The following ATP10B variants were observed in gnomAD, a reference collection of about 807,000 sequenced individuals.
ATP10B encodes phospholipid-transporting ATPase VB.
ATP10B carries 122 observed loss-of-function variants against 141.2 expected under a neutral mutation model. The observed-to-expected ratio is 0.86, with a 90% CI of 0.75 to 1.00. ATP10B has a LOEUF of 1.00. Ranked by LOEUF, ATP10B falls within the 50% of genes least tolerant of loss-of-function variation. The pLI, the probability that ATP10B is intolerant of heterozygous loss-of-function variation, is 0.00. For synonymous variants in ATP10B, 685 were observed against 692.0 expected (o/e 0.99, Z 0.16); for missense variants, 1,876 against 1,825.3 (o/e 1.03, Z -0.51).
At chr5:160,774,808 C>A (rs1349868136) in intron 2 of ATP10B, among the ~76,000 whole-genome samples, 2 of 152,170 alleles carry the variant, frequency 1.3e-5, no homozygotes, top group African/African-American at 4.8e-5. Context: ...AGGGCAAGGC[C>A]TCTTTGTTTT....
intron 24 of ATP10B, among the ~76,000 whole-genome samples, chr5:160,586,811 G>C (rs1439591818): frequency 6.6e-6 from 1 of 151,976 alleles, no homozygotes; most frequent in East Asian, 1.9e-4. Context: ...CCCACTTTTT[G>C]ATGGTGTTTT....
chr5:160,617,244 C>T (rs1310348561), intron 16 of ATP10B, among the ~76,000 whole-genome samples: 2 of 152,346 alleles, frequency 1.3e-5, no homozygotes, highest in East Asian at 3.9e-4. Flanking sequence ...CCCTCACTGC[C>T]TGCCTGCCTT....
intron 17 of ATP10B, chr5:160,613,979 A>G (rs1209841951): frequency 1.3e-5 from 2 of 151,956 alleles, no homozygotes; most frequent in Non-Finnish European, 2.9e-5. Flanking sequence ...TGCATATTGA[A>G]AAGATTATTT....
At chr5:160,790,528 A>T (rs1771492754) in intron 1 of ATP10B, among the ~76,000 whole-genome samples, 1 of 152,174 alleles carries the variant, frequency 6.6e-6, no homozygotes, top group Non-Finnish European at 1.5e-5. Context: ...TATATGAGGT[A>T]TCGCTCAAAG....
chr5:160,876,715 C>A, the ATP10B span, among the ~76,000 whole-genome samples: 1 of 151,890 alleles, frequency 6.6e-6, no homozygotes, highest in African/African-American at 2.4e-5. Flanking sequence ...CACCACCAAT[C>A]CCACAGAAAT....
chr5:160,870,595 A>C, the ATP10B span, among the ~76,000 whole-genome samples: 2 of 152,296 alleles, frequency 1.3e-5, no homozygotes, highest in Non-Finnish European at 1.5e-5. Flanking sequence ...AAAAAGACGT[A>C]ACATACAAAT....
At chr5:160,840,498 A>G (rs1265230088) in intron 1 of ATP10B, among the ~76,000 whole-genome samples, 1 of 152,128 alleles carries the variant, frequency 6.6e-6, no homozygotes, top group Non-Finnish European at 1.5e-5. Flanking sequence ...CAACTGGATA[A>G]CCATTTTTTC....
chr5:160,663,702 A>G (rs1762129423), intron 7 of ATP10B, among the ~76,000 whole-genome samples: 1 of 152,084 alleles, frequency 6.6e-6, no homozygotes, highest in Admixed American at 6.5e-5. Flanking sequence ...TGACGAGTTA[A>G]TGGGTGCAGC....
the ATP10B span, among the ~76,000 whole-genome samples, chr5:160,897,760 T>A: frequency 6.6e-6 from 1 of 152,166 alleles, no homozygotes; most frequent in South Asian, 2.1e-4. Context: ...AGAACAAAGC[T>A]GGAGGCATCA....
chr5:160,660,765 C>T (rs1172883271), intron 7 of ATP10B, among the ~76,000 whole-genome samples: 1 of 152,204 alleles, frequency 6.6e-6, no homozygotes, highest in Non-Finnish European at 1.5e-5. Flanking sequence ...TTGACATGCA[C>T]ATGCACAAAT....
At chr5:160,667,344 C>A (rs1461319315) in intron 7 of ATP10B, among the ~76,000 whole-genome samples, 2 of 152,188 alleles carry the variant, frequency 1.3e-5, no homozygotes, top group African/African-American at 2.4e-5. Flanking sequence ...CCTCTGTATG[C>A]CCCAGTTTCG....
At chr5:160,792,448 C>G (rs1771645406) in intron 1 of ATP10B, among the ~76,000 whole-genome samples, 1 of 152,112 alleles carries the variant, frequency 6.6e-6, no homozygotes, top group Non-Finnish European at 1.5e-5. Context: ...TACGTGGAAC[C>G]ATGTGACTGT....
At position 160,670,687 on chromosome 5, in the gene ATP10B, G is replaced by A. The variant is rs1762634819; in HGVS notation, c.471-20C>T. ...TCTTTTCTTGGGTGAGAGAAAGACA[G>A]GGTGTGAGTGAGCTTTAAGTTTCCT... On this transcript the variant is annotated intron_variant, in intron 6 of 25. Transcript: ENST00000327245. 7 of 1,606,890 alleles carry A rather than the reference G, an allele frequency of 4.4e-6. No individual in the cohort carries two copies. The highest frequency in any genetic ancestry group is 6.0e-6 in the Non-Finnish European group (7 of 1,175,472).
the ATP10B span, among the ~76,000 whole-genome samples, chr5:160,860,613 C>T: frequency 6.6e-6 from 1 of 151,916 alleles, no homozygotes; most frequent in Non-Finnish European, 1.5e-5. Flanking sequence ...TGAACAGACT[C>T]AGCTAAAAAA....
intron 1 of ATP10B, among the ~76,000 whole-genome samples, chr5:160,806,978 C>T (rs576801528): frequency 6.6e-6 from 1 of 152,028 alleles, no homozygotes; most frequent in African/African-American, 2.4e-5. Context: ...GCCTCATTTT[C>T]AAGAAAAGAA....
At chr5:160,881,117 T>C in the ATP10B span, among the ~76,000 whole-genome samples, 1 of 152,142 alleles carries the variant, frequency 6.6e-6, no homozygotes, top group Admixed American at 6.5e-5. Context: ...ATTTAACAAA[T>C]GGACAAAAGA....
chr5:160,619,945 GT>G (rs1381024716), intron 15 of ATP10B, among the ~76,000 whole-genome samples: 2 of 152,186 alleles, frequency 1.3e-5, no homozygotes, highest in African/African-American at 2.4e-5. Flanking sequence ...CCTCTTGTAA[GT>G]CACTTTTCTT....
At chr5:160,855,151 T>C (rs1475192320), upstream of ATP10B, among the ~76,000 whole-genome samples, 1 of 152,134 alleles carries the variant, frequency 6.6e-6, no homozygotes, top group Non-Finnish European at 1.5e-5. Flanking sequence ...TAATAAATGC[T>C]TGTTTAGTAT....
chr5:160,653,316 G>C (rs1271361013), intron 7 of ATP10B, among the ~76,000 whole-genome samples: 1 of 119,536 alleles, frequency 8.4e-6, no homozygotes, highest in African/African-American at 3.4e-5. Flanking sequence ...ACATACATAG[G>C]TAGTATATAT....
Sources: allele counts gnomAD v4.1 joint callset (sites outside exome capture counted in the v4.1 genomes callset), GRCh38; gene constraint gnomAD v4.1.1; transcripts MANE v1.5; gene names NCBI Gene and HGNC (gene_info 2026-07-23, HGNC 2026-07-21).